TMEM165: variants seen among roughly 807,000 people sequenced by gnomAD.
TMEM165 encodes transmembrane protein 165.
A neutral mutation model predicts 30.0 loss-of-function variants in TMEM165; 19 were observed. The observed-to-expected ratio is 0.63, with a 90% CI of 0.44 to 0.93. The LOEUF is 0.93. TMEM165 is among the 40% of genes least tolerant of loss of function. The probability of loss-of-function intolerance (pLI) is 0.00; values close to 1 mark genes in which losing one functional copy is unlikely to be tolerated. For synonymous variants in TMEM165, 168 were observed against 162.9 expected, an observed-to-expected ratio of 1.03 and a Z score of -0.24; for missense variants, 340 against 417.0, an observed-to-expected ratio of 0.82 and a Z score of 1.61.
intron 1 of TMEM165, chr4:55,403,128 A>G: frequency 1.1e-5 from 7 of 632,604 alleles, no homozygotes; most frequent in Non-Finnish European, 1.7e-5. Context: ...TGCCCAGGAG[A>G]CAGTTCTAAG....
At chr4:55,440,069 G>A (rs1723233360) in intron 3 of TMEM165, among the ~76,000 whole-genome samples, 1 of 151,628 alleles carries the variant, frequency 6.6e-6, no homozygotes, top group African/African-American at 2.4e-5. Context: ...AAATTACTAG[G>A]TACTAGGGGT....
rs143113851 is a variant in TMEM165, at chr4:55,422,317, G to A, written c.793-2221G>A. Among the ~76,000 whole-genome samples the A allele has an allele frequency of 4.4e-4, 67 of 152,208 alleles. No homozygotes were observed. The East Asian group carries it at 0.012, about 27-fold the overall frequency. ...CTGTCACCCAGGCTGGAGTACAGTGGCACAATCTTGGCTTGCTGCAACCTC... is the reference window on the plus strand; with the variant it reads ...CTGTCACCCAGGCTGGAGTACAGTGACACAATCTTGGCTTGCTGCAACCTC... On this transcript the variant is annotated intron_variant, in intron 4 of 5. Coordinates refer to ENST00000381334, the MANE Select transcript of TMEM165 (RefSeq NM_018475.5).
chr4:55,422,402 CAT>C (rs1265849398), intron 4 of TMEM165, among the ~76,000 whole-genome samples: 1 of 151,982 alleles, frequency 6.6e-6, no homozygotes, highest in African/African-American at 2.4e-5. Flanking sequence ...GGATTAGAGA[CAT>C]GTGCCACCAA....
intron 3 of TMEM165, chr4:55,450,272 A>C (rs779806173): frequency 6.2e-7 from 1 of 1,612,646 alleles, no homozygotes; most frequent in Non-Finnish European, 8.5e-7. Flanking sequence ...CTTGTGGTTC[A>C]GTTCAGAGAT....
chr4:55,411,502 A>G lies in TMEM165; in HGVS notation c.208-112A>G, dbSNP rs1052247278. On this transcript the variant is annotated intron_variant, in intron 1 of 5. Coordinates refer to ENST00000381334, the MANE Select transcript of TMEM165 (RefSeq NM_018475.5). ...CTTTCAGAGTGATTAGACAGTAAATAAGTGTAATGACCATGACAAGAAAAT... is the reference window on the plus strand; with the variant it reads ...CTTTCAGAGTGATTAGACAGTAAATGAGTGTAATGACCATGACAAGAAAAT... 6.2e-5 allele frequency: 56 copies of G among 897,588 alleles called. No homozygotes were observed. The South Asian group carries it at 8.3e-4, about 13-fold the overall frequency. The allele number at this position is 897,588 out of a possible 1,614,324, so 55.6% of individuals were successfully genotyped here. A position where few individuals can be genotyped will look rare whatever the true frequency, so the allele number is the denominator to read the frequency against.
rs574542505 is a variant in TMEM165 at position 55,410,141 on chromosome 4, A to AT, written c.208-1472dup. Among the ~76,000 whole-genome samples the AT allele has an allele frequency of 5.3e-4, 80 of 152,224 alleles. No homozygotes were observed. The East Asian group carries it at 8.5e-3, about 16-fold the overall frequency. On this transcript the variant is annotated intron_variant, in intron 1 of 5. Transcript: ENST00000381334. ...TCTTATTTCTTGTAACTTCTTAAAA[A>AT]TGTAAAAAACCTTTTTTTGCTCTTA...
intron 1 of TMEM165, among the ~76,000 whole-genome samples, chr4:55,399,612 TAATATCCTTTTTAA>T (rs1014037205): frequency 6.6e-6 from 1 of 152,132 alleles, no homozygotes; most frequent in African/African-American, 2.4e-5. Context: ...GTAGAGCTAC[TAATATCCTTTTTAA>T]GAAGCTAGGA....
chr4:55,396,143 G>A lies in TMEM165; in HGVS notation c.-47G>A. The stretch of plus-strand genomic sequence containing the variant: ...TTCGGGGTCGAGGCTTCCCGTCGCC[G>A]GCACTTCCTCTTGCGGCGCCCGTGC... On this transcript the variant is annotated 5_prime_UTR_variant, in exon 1 of 6. Transcript: ENST00000381334. 7.6e-7 allele frequency: 1 copy of A among 1,320,208 alleles called. No individual in the cohort carries two copies. The allele number at this position is 1,320,208 out of a possible 1,614,324, so 81.8% of individuals were successfully genotyped here. A position where few individuals can be genotyped will look rare whatever the true frequency, so the allele number is the denominator to read the frequency against.
intron 3 of TMEM165, among the ~76,000 whole-genome samples, chr4:55,451,300 C>T (rs1429923895): frequency 1.3e-5 from 2 of 152,154 alleles, no homozygotes; most frequent in Non-Finnish European, 2.9e-5. Flanking sequence ...TAACTTATTT[C>T]AGCTGAATCT....
Position 55,401,721 on chromosome 4 carries a change from A to T in TMEM165, c.207+5325A>T, listed in dbSNP as rs766092479. On this transcript the variant is annotated intron_variant, in intron 1 of 5. Transcript: ENST00000381334. ...TTATACAGCTAAGATTGAGGCAATC[A>T]GTTATAAGGACGCCTGCTCATAATT... 2.8e-4 allele frequency among the ~76,000 whole-genome samples: 42 copies of T among 150,502 alleles called. 1 individual carries two copies. The highest frequency in any genetic ancestry group is 5.1e-4 in the Non-Finnish European group (35 of 68,022).
At chr4:55,411,066 T>G (rs1578235729) in intron 1 of TMEM165, among the ~76,000 whole-genome samples, 1 of 143,208 alleles carries the variant, frequency 7.0e-6, no homozygotes, top group Non-Finnish European at 1.5e-5. Flanking sequence ...ACCTGGGAGG[T>G]GGAGGTTGCA....
Position 55,435,599 on chromosome 4 carries a change from A to AT in TMEM165, c.408+10956_408+10957insT, listed in dbSNP as rs764863786. The AT allele has an allele frequency of 1.9e-6, 3 of 1,613,736 alleles. No homozygotes were observed. The South Asian group carries it at 3.3e-5, about 18-fold the overall frequency. ...CCCATGGAGCAACCTAGAAGTCTAA[A>AT]AAACAAATGGATTATGCAGCATTGC... On this transcript the variant is annotated intron_variant, in intron 3 of 3. Coordinates refer to the TMEM165 transcript ENST00000608091.
downstream of TMEM165, chr4:55,431,063 AC>A (rs1235898121): frequency 7.9e-5 from 12 of 152,234 alleles, no homozygotes; most frequent in Non-Finnish European, 1.6e-4. Context: ...GAAATGGTTA[AC>A]GCCTAAGAAT....
intron 3 of TMEM165, among the ~76,000 whole-genome samples, chr4:55,450,707 T>C (rs1008668176): frequency 2.0e-5 from 3 of 151,408 alleles, no homozygotes; most frequent in African/African-American, 7.3e-5. Context: ...AGGCGGAGGA[T>C]GTAGTGAGCC....
chr4:55,444,620 A>T, intron 3 of TMEM165: 1 of 1,614,002 alleles, frequency 6.2e-7, no homozygotes, highest in South Asian at 1.1e-5. Context: ...TTGTATTCAA[A>T]TATAACAATT....
chr4:55,453,072 A>G, exon 4 of TMEM165: 4 of 1,610,388 alleles, frequency 2.5e-6, no homozygotes, highest in Non-Finnish European at 3.4e-6. Context: ...CAGCTGTCTC[A>G]GGAAGAGACT....
intron 4 of TMEM165, among the ~76,000 whole-genome samples, chr4:55,418,981 G>T (rs1458205692): frequency 6.6e-6 from 1 of 152,036 alleles, no homozygotes; most frequent in African/African-American, 2.4e-5. Context: ...GGAGGCAGAG[G>T]TTGCAGTGAG....
chr4:55,446,994 G>A (rs1201748344), intron 3 of TMEM165, among the ~76,000 whole-genome samples: 1 of 151,492 alleles, frequency 6.6e-6, no homozygotes, highest in Non-Finnish European at 1.5e-5. Context: ...TGTTAAACGT[G>A]GTTGAGAAAA....
At chr4:55,406,226 A>G (rs1380800042) in intron 1 of TMEM165, among the ~76,000 whole-genome samples, 1 of 152,218 alleles carries the variant, frequency 6.6e-6, no homozygotes, top group Non-Finnish European at 1.5e-5. Flanking sequence ...GCTTACAAGA[A>G]ATTGATCCTC....
Sources: allele counts gnomAD v4.1 joint callset (sites outside exome capture counted in the v4.1 genomes callset), GRCh38; gene constraint gnomAD v4.1.1; transcripts MANE v1.5; gene names NCBI Gene and HGNC (gene_info 2026-07-23, HGNC 2026-07-21).